ZC3H14: variants seen among roughly 807,000 people sequenced by gnomAD.
ZC3H14 encodes the protein zinc finger CCCH domain-containing protein 14.
ZC3H14 carries 31 observed loss-of-function variants against 92.4 expected under a neutral mutation model. The ratio of observed to expected loss-of-function variants is 0.34; its 90% CI spans 0.25 to 0.45. ZC3H14 has a LOEUF of 0.45. ZC3H14 is among the 20% of genes least tolerant of loss of function. The pLI, the probability that ZC3H14 is intolerant of heterozygous loss-of-function variation, is 1.00. For missense variants in ZC3H14, 781 were observed against 897.3 expected (o/e 0.87, Z 1.66); for synonymous variants, 321 against 300.9 (o/e 1.07, Z -0.69).
rs369575837 is a variant in ZC3H14, at chr14:88,621,263, G to A, written c.*9512G>A. 1.2e-5 allele frequency: 19 copies of A among 1,613,690 alleles called. No homozygotes were observed. The highest frequency in any genetic ancestry group is 1.6e-5 in the Non-Finnish European group (19 of 1,179,870). On this transcript the variant is annotated 3_prime_UTR_variant, in exon 17 of 17. Coordinates refer to ENST00000251038, the MANE Select transcript of ZC3H14 (RefSeq NM_024824.5). ...AAGCTGCATTTTTCTCTCCAACTTC[G>A]ATTATTTCAGCATTCCTTGTCCCAA...
chr14:88,568,245 A>G, intron 3 of ZC3H14, 92 bp downstream of exon 3: 1 of 1,085,498 alleles, frequency 9.2e-7, no homozygotes, highest in South Asian at 1.3e-5. Flanking sequence ...CACTTGAGTT[A>G]GGTTTACTTT....
chr14:88,609,917 A>G, intron 15 of ZC3H14, 114 bp downstream of exon 15: 1 of 1,135,422 alleles, frequency 8.8e-7, no homozygotes, highest in Non-Finnish European at 1.3e-6. Context: ...GATTTTTGCC[A>G]GTAAAACTAT....
chr14:88,605,085 T>C (rs1471127602), intron 12 of ZC3H14, among the ~76,000 whole-genome samples: 1 of 152,180 alleles, frequency 6.6e-6, no homozygotes, highest in Non-Finnish European at 1.5e-5. Context: ...AGTATTATAT[T>C]GTTCCTGAGT....
Position 88,622,150 on chromosome 14 carries a change from TTTCAC to T in ZC3H14, c.*10405_*10409del, listed in dbSNP as rs2089111730. 1 of 184,580 alleles carries T rather than the reference TTTCAC, an allele frequency of 5.4e-6. No individual in the cohort carries two copies. The highest frequency in any genetic ancestry group is 1.2e-5 in the Non-Finnish European group (1 of 85,068). 11.4% of individuals were successfully genotyped at this position (184,580 alleles called of 1,614,324 possible). On this transcript the variant is annotated 3_prime_UTR_variant, in exon 17 of 17. Transcript: ENST00000251038. ...TATTTATCTTTCTGTGCCTGGCTTA[TTTCAC>T]TTCACATCATGTCCTCCAGTCTCAT...
At chr14:88,569,072 G>T (rs964319444) in intron 3 of ZC3H14, among the ~76,000 whole-genome samples, 4 of 152,014 alleles carry the variant, frequency 2.6e-5, no homozygotes, top group Non-Finnish European at 4.4e-5. Flanking sequence ...TTAGTATGTT[G>T]CCCTGGATGC....
intron 9 of ZC3H14, chr14:88,595,003 A>G (rs1391045592): frequency 1.2e-6 from 2 of 1,613,780 alleles, no homozygotes; most frequent in African/African-American, 1.3e-5. Context: ...TGAATATTCA[A>G]CAACATATGA....
In ZC3H14 at chr14:88,626,659, T is replaced by TTTCACTCCC; in HGVS notation, c.*14910_*14918dup. On this transcript the variant is annotated 3_prime_UTR_variant, in exon 17 of 17. Coordinates refer to ENST00000251038, the MANE Select transcript of ZC3H14 (RefSeq NM_024824.5). The stretch of plus-strand genomic sequence containing the variant: ...CTTTTCCCCCTCTCATTAACATTCT[T>TTTCACTCCC]TTCACTCCCTAATTTCTGAAAGAAC... 1.5e-6 allele frequency: 1 copy of TTTCACTCCC among 684,678 alleles called. No individual in the cohort carries two copies. The highest frequency in any genetic ancestry group is 2.1e-5 in the South Asian group (1 of 48,728). 42.4% of individuals were successfully genotyped at this position (684,678 alleles called of 1,614,324 possible). A position where few individuals can be genotyped will look rare whatever the true frequency, so the allele number is the denominator to read the frequency against.
rs183742157 is a variant in ZC3H14 at position 88,611,853 on chromosome 14, A to G, written c.*102A>G. On this transcript the variant is annotated 3_prime_UTR_variant, in exon 17 of 17. Transcript: ENST00000251038. ...GTCAAATCTTTGAAACTTGGAATAT[A>G]TTGCTTTCATAATATGAAGTTTTAT... 2.0e-6 allele frequency: 3 copies of G among 1,503,586 alleles called. No individual in the cohort carries two copies. The highest frequency in any genetic ancestry group is 2.3e-5 in the East Asian group (1 of 44,024). 93.1% of individuals were successfully genotyped at this position (1,503,586 alleles called of 1,614,324 possible). A position where few individuals can be genotyped will look rare whatever the true frequency, so the allele number is the denominator to read the frequency against.
chr14:88,588,025 A>T (rs2082663683), intron 9 of ZC3H14, among the ~76,000 whole-genome samples: 1 of 152,112 alleles, frequency 6.6e-6, no homozygotes, highest in Non-Finnish European at 1.5e-5. Flanking sequence ...AACTCTCTAG[A>T]GTTTTTTTAA....
In ZC3H14 at chr14:88,620,472, C is replaced by T. The variant is rs2088694425; in HGVS notation, c.*8721C>T. The T allele has an allele frequency of 7.5e-6, 2 of 266,364 alleles. No homozygotes were observed. Among genetic ancestry groups the T allele is most frequent in the Non-Finnish European group, 1.4e-5 (2 of 143,598 alleles). The allele number at this position is 266,364 out of a possible 1,614,324, so 16.5% of individuals were successfully genotyped here. Reference sequence around the variant, plus strand: ...CTCTCTTGTATTACAGTGGGAGATACCTCTTGGTGGGATGAACTTAATGGA... The same window carrying T: ...CTCTCTTGTATTACAGTGGGAGATATCTCTTGGTGGGATGAACTTAATGGA... On this transcript the variant is annotated 3_prime_UTR_variant, in exon 17 of 17. Coordinates refer to ENST00000251038, the MANE Select transcript of ZC3H14 (RefSeq NM_024824.5). This position sits in a 1 kb window ranked among gnomAD's most constrained non-coding sequence, Gnocchi z 4.3.
At position 88,621,812 on chromosome 14, in the gene ZC3H14, T is replaced by C; in HGVS notation, c.*10061T>C. On this transcript the variant is annotated 3_prime_UTR_variant, in exon 17 of 17. Transcript: ENST00000251038. ...TGAAATTGACACATAATTATACATA[T>C]CTATAGGGCATAGGGTAATACGCAT... 1 of 439,564 alleles carries C rather than the reference T, an allele frequency of 2.3e-6. No individual in the cohort carries two copies. Among genetic ancestry groups the C allele is most frequent in the South Asian group, 1.6e-5 (1 of 62,048 alleles). The allele number at this position is 439,564 out of a possible 1,614,324, so 27.2% of individuals were successfully genotyped here.
At position 88,616,450 on chromosome 14, in the gene ZC3H14, AT is replaced by A; in HGVS notation, c.*4704del. 1.6e-6 allele frequency: 1 copy of A among 614,488 alleles called. No individual in the cohort carries two copies. Among genetic ancestry groups the A allele is most frequent in the Non-Finnish European group, 2.8e-6 (1 of 355,456 alleles). 38.1% of individuals were successfully genotyped at this position (614,488 alleles called of 1,614,324 possible). A position where few individuals can be genotyped will look rare whatever the true frequency, so the allele number is the denominator to read the frequency against. On this transcript the variant is annotated 3_prime_UTR_variant, in exon 17 of 17. Transcript: ENST00000251038. ...TCAGATGTCTCCAGGTACTCTGACC[AT>A]TTTTCTCTAAGGAAAAGCATTTGAA...
At chr14:88,567,806 C>G (rs570702392) in intron 2 of ZC3H14, 75 of 558,148 alleles carry the variant, frequency 1.3e-4, no homozygotes, top group African/African-American at 1.2e-3. Flanking sequence ...CCCTATAATT[C>G]AGAATGTTTA....
intron 13 of ZC3H14, 107 bp downstream of exon 13, chr14:88,607,470 C>T (rs1315439712): frequency 7.8e-7 from 1 of 1,287,706 alleles, no homozygotes; most frequent in African/African-American, 1.5e-5. Context: ...CCATCTCACC[C>T]AGCAAGTACC....
At chr14:88,573,070 T>C in intron 6 of ZC3H14, 63 bp downstream of exon 6, 3 of 1,560,182 alleles carry the variant, frequency 1.9e-6, no homozygotes, top group Non-Finnish European at 2.6e-6. Context: ...TACCAAATAA[T>C]ATATGAAGTA....
chr14:88,565,152 A>T (rs1217419516), intron 2 of ZC3H14, among the ~76,000 whole-genome samples: 3 of 151,788 alleles, frequency 2.0e-5, no homozygotes, highest in Non-Finnish European at 4.4e-5. Flanking sequence ...TATTATTATT[A>T]TTTTTTTTGA....
chr14:88,573,121 C>T, intron 6 of ZC3H14, 114 bp downstream of exon 6: 1 of 1,251,750 alleles, frequency 8.0e-7, no homozygotes, highest in Non-Finnish European at 1.1e-6. Context: ...TGGCTCACAC[C>T]TGTAATCCCA....
At position 88,620,332 on chromosome 14, in the gene ZC3H14, T is replaced by C. The variant is rs2088656173; in HGVS notation, c.*8581T>C. The C allele has an allele frequency of 6.5e-6, 1 of 154,428 alleles. No homozygotes were observed. Among genetic ancestry groups the C allele is most frequent in the South Asian group, 2.1e-4 (1 of 4,862 alleles). 9.6% of individuals were successfully genotyped at this position (154,428 alleles called of 1,614,324 possible). A position where few individuals can be genotyped will look rare whatever the true frequency, so the allele number is the denominator to read the frequency against. ...TTTGGATTCTGGAACATTTAATCAA[T>C]AGGTATTGATTAAATTAATGAACTA... is the stretch of plus-strand genomic sequence containing the variant. On this transcript the variant is annotated 3_prime_UTR_variant, in exon 17 of 17. Coordinates refer to ENST00000251038, the MANE Select transcript of ZC3H14 (RefSeq NM_024824.5). The surrounding 1 kb of genome is among the most constrained non-coding windows in gnomAD (Gnocchi z 4.3).
At position 88,624,622 on chromosome 14, in the gene ZC3H14, AGCAG is replaced by A; in HGVS notation, c.*12876_*12879del. Reference sequence around the variant, plus strand: ...TAGAATCCATTCTGAACAAAAAGAGAGCAGGCAGTCAAAATACAACCCTGGCTCC... The same window carrying A: ...TAGAATCCATTCTGAACAAAAAGAGAGCAGTCAAAATACAACCCTGGCTCC... On this transcript the variant is annotated 3_prime_UTR_variant, in exon 17 of 17. Coordinates refer to ENST00000251038, the MANE Select transcript of ZC3H14 (RefSeq NM_024824.5). 4.8e-6 allele frequency: 1 copy of A among 209,576 alleles called. No homozygotes were observed. Among genetic ancestry groups the A allele is most frequent in the East Asian group, 1.4e-4 (1 of 7,320 alleles). The allele number at this position is 209,576 out of a possible 1,614,324, so 13.0% of individuals were successfully genotyped here.
Sources: gnomAD v4.1 joint callset for allele counts (sites outside exome capture counted in the v4.1 genomes callset) on GRCh38, gnomAD v4.1.1 for gene constraint, Gnocchi (gnomAD v3.1) non-coding constraint, MANE v1.5 for transcripts, NCBI Gene and HGNC (gene_info 2026-07-23, HGNC 2026-07-21) for gene names.